Variants in TRAPPC9 observed in about 807,000 individuals in gnomAD.
The protein encoded by TRAPPC9 is IKK2 binding protein.
Under a neutral mutation model 124.0 loss-of-function variants are expected in TRAPPC9, and 83 were observed. The observed-to-expected ratio is 0.67, with a 90% CI of 0.56 to 0.80. The LOEUF (loss-of-function observed/expected upper bound fraction) is 0.80. Among genes scored for constraint, TRAPPC9 ranks in the 30% least tolerant of loss-of-function variants. TRAPPC9 has a pLI of 0.00. For synonymous variants in TRAPPC9, 638 were observed against 617.5 expected, an observed-to-expected ratio of 1.03 and a Z score of -0.49; for missense variants, 1,302 against 1,508.3, an observed-to-expected ratio of 0.86 and a Z score of 2.27.
intron 11 of TRAPPC9, among the ~76,000 whole-genome samples, chr8:140,299,358 G>A (rs574758039): frequency 6.6e-6 from 1 of 152,206 alleles, no homozygotes; most frequent in Non-Finnish European, 1.5e-5. Context: ...GTGAGCTTGC[G>A]AGTGCAACAG....
At chr8:140,243,028 G>A (rs1413669024) in intron 16 of TRAPPC9, among the ~76,000 whole-genome samples, 2 of 152,196 alleles carry the variant, frequency 1.3e-5, no homozygotes, top group Admixed American at 1.3e-4. Context: ...TGAGGGACTG[G>A]TACAAAACTG....
intron 21 of TRAPPC9, among the ~76,000 whole-genome samples, chr8:139,746,153 G>A (rs1476278415): frequency 6.6e-6 from 1 of 152,198 alleles, no homozygotes; most frequent in Non-Finnish European, 1.5e-5. Context: ...CCTCAGCTCT[G>A]TGTCTCAAGG....
chr8:139,966,962 A>T (rs903597797), intron 19 of TRAPPC9, among the ~76,000 whole-genome samples: 2 of 152,234 alleles, frequency 1.3e-5, no homozygotes, highest in Non-Finnish European at 2.9e-5. Context: ...TAGGGTAAGA[A>T]AAAAGCATGC....
intron 19 of TRAPPC9, among the ~76,000 whole-genome samples, chr8:139,945,311 C>T (rs1416589074): frequency 6.6e-6 from 1 of 151,836 alleles, no homozygotes; most frequent in African/African-American, 2.4e-5. Flanking sequence ...GTTATATCAA[C>T]ATCATATGAA....
chr8:140,065,337 C>G (rs1232782233), intron 17 of TRAPPC9, among the ~76,000 whole-genome samples: 1 of 152,182 alleles, frequency 6.6e-6, no homozygotes, highest in Non-Finnish European at 1.5e-5. Flanking sequence ...GATGAAGAGG[C>G]TGGAGCAAGA....
Position 140,316,385 on chromosome 8 carries a change from T to C in TRAPPC9, c.1496-5011A>G, listed in dbSNP as rs1186815904. 2.0e-5 allele frequency among the ~76,000 whole-genome samples: 3 copies of C among 152,214 alleles called. No individual in the cohort carries two copies. In the East Asian group the frequency reaches 5.8e-4, roughly 29 times the overall value. ...CAAAATTTAGAACATATTTGTTTCA[T>C]TCTACCTGACTCTTCCAGAATTTGG... On this transcript the variant is annotated intron_variant, in intron 9 of 22. Coordinates refer to ENST00000438773, the MANE Select transcript of TRAPPC9 (RefSeq NM_001160372.4).
intron 10 of TRAPPC9, among the ~76,000 whole-genome samples, chr8:140,307,523 A>AT (rs1233885736): frequency 2.0e-5 from 3 of 152,194 alleles, no homozygotes; most frequent in African/African-American, 7.2e-5. Flanking sequence ...GTCAACAAAG[A>AT]TGTCCAGTCA....
At chr8:140,059,834 A>G (rs943216384) in intron 17 of TRAPPC9, among the ~76,000 whole-genome samples, 3 of 152,200 alleles carry the variant, frequency 2.0e-5, no homozygotes, top group Non-Finnish European at 2.9e-5. Context: ...TTTCAGCTCT[A>G]AATGTTTGAT....
intron 17 of TRAPPC9, among the ~76,000 whole-genome samples, chr8:140,120,721 A>G (rs1009384487): frequency 6.7e-6 from 1 of 149,668 alleles, no homozygotes; most frequent in African/African-American, 2.5e-5. Flanking sequence ...ACAACCGTCC[A>G]TCCATCCATC....
intron 4 of TRAPPC9, among the ~76,000 whole-genome samples, chr8:140,429,454 CCTGT>C (rs71320359): frequency 0.45 from 68,328 of 151,740 alleles, 17,075 homozygotes; most frequent in South Asian, 0.57. Flanking sequence ...AGTTCCTCAA[CCTGT>C]CTATGCCTCA....
chr8:139,902,772 A>G (rs1421219398), intron 20 of TRAPPC9, among the ~76,000 whole-genome samples: 1 of 152,198 alleles, frequency 6.6e-6, no homozygotes, highest in Non-Finnish European at 1.5e-5. Flanking sequence ...CACACAGCCC[A>G]CGTCAAGTGC....
chr8:140,352,020 C>T (rs902780830), intron 9 of TRAPPC9, among the ~76,000 whole-genome samples: 10 of 152,164 alleles, frequency 6.6e-5, no homozygotes, highest in South Asian at 2.1e-4. Context: ...AGCCATCGCC[C>T]CCACAAAGTC....
chr8:140,236,147 A>G (rs920958372), intron 16 of TRAPPC9, among the ~76,000 whole-genome samples: 1 of 132,486 alleles, frequency 7.5e-6, no homozygotes, highest in African/African-American at 2.9e-5. Context: ...CTGTGGCGTG[A>G]TCTTGGCTCA....
At chr8:140,403,893 G>T (rs1048154973) in intron 6 of TRAPPC9, among the ~76,000 whole-genome samples, 1 of 151,884 alleles carries the variant, frequency 6.6e-6, no homozygotes, top group African/African-American at 2.4e-5. Context: ...CCTGAGCTCA[G>T]GCAATCTGCC....
intron 17 of TRAPPC9, among the ~76,000 whole-genome samples, chr8:140,084,809 G>T (rs189650384): frequency 6.6e-6 from 1 of 152,218 alleles, no homozygotes; most frequent in Non-Finnish European, 1.5e-5. Context: ...CCTTGGAGAC[G>T]TTTACCAAGC....
At chr8:140,337,272 A>G (rs1157699594) in intron 9 of TRAPPC9, among the ~76,000 whole-genome samples, 1 of 152,176 alleles carries the variant, frequency 6.6e-6, no homozygotes, top group African/African-American at 2.4e-5. Context: ...CACATGTTAC[A>G]CCAGGCCCAG....
intron 1 of TRAPPC9, among the ~76,000 whole-genome samples, chr8:140,451,940 G>T (rs2071476367): frequency 6.6e-6 from 1 of 152,128 alleles, no homozygotes; most frequent in African/African-American, 2.4e-5. Context: ...GGCCAACATG[G>T]TGAAACCCCA....
intron 5 of TRAPPC9, among the ~76,000 whole-genome samples, chr8:140,422,698 G>A (rs1224796787): frequency 1.4e-5 from 2 of 141,966 alleles, no homozygotes; most frequent in African/African-American, 5.2e-5. Flanking sequence ...GGGTTGCAGT[G>A]AGCCGAGATC....
At chr8:140,011,371 C>A (rs1839106698) in intron 18 of TRAPPC9, among the ~76,000 whole-genome samples, 2 of 150,646 alleles carry the variant, frequency 1.3e-5, no homozygotes, top group African/African-American at 2.4e-5. Flanking sequence ...ATAATAGTAA[C>A]AATATTATAT....
Sources: allele counts gnomAD v4.1 joint callset (sites outside exome capture counted in the v4.1 genomes callset), GRCh38; gene constraint gnomAD v4.1.1; transcripts MANE v1.5; gene names NCBI Gene and HGNC (gene_info 2026-07-23, HGNC 2026-07-21).